Variants in DLGAP2 observed in about 807,000 individuals in gnomAD.
DLGAP2 encodes the protein disks large-associated protein 2.
A neutral mutation model predicts 100.3 loss-of-function variants in DLGAP2; 26 were observed. That is an observed-to-expected ratio of 0.26 (90% CI 0.19 to 0.36). The LOEUF (loss-of-function observed/expected upper bound fraction) is 0.36. DLGAP2 is among the 10% of genes least tolerant of loss of function. The pLI is 1.00. For missense variants in DLGAP2, 1,858 were observed against 1,453.2 expected (o/e 1.28, Z -4.53); for synonymous variants, 886 against 630.1 (o/e 1.41, Z -6.08).
intron 3 of DLGAP2, among the ~76,000 whole-genome samples, chr8:1,342,540 T>A (rs1801440693): frequency 6.6e-6 from 1 of 152,120 alleles, no homozygotes; most frequent in Admixed American, 6.5e-5. Context: ...CTCAGTCGCA[T>A]CTGCTGTACA....
intron 3 of DLGAP2, among the ~76,000 whole-genome samples, chr8:1,343,944 G>A (rs1801480439): frequency 6.6e-6 from 1 of 152,342 alleles, no homozygotes; most frequent in East Asian, 1.9e-4. Context: ...TTCCCTCCTG[G>A]CCGAGGGCAG....
chr8:1,048,892 G>A (rs1802592633), intron 2 of DLGAP2, among the ~76,000 whole-genome samples: 1 of 152,112 alleles, frequency 6.6e-6, no homozygotes, highest in African/African-American at 2.4e-5. Context: ...ATGACTAAGT[G>A]ATTTCACAAC....
chr8:1,564,142 G>A (rs1249723819), intron 5 of DLGAP2, among the ~76,000 whole-genome samples: 1 of 152,136 alleles, frequency 6.6e-6, no homozygotes, highest in Non-Finnish European at 1.5e-5. Context: ...GTGTTCTTTT[G>A]CCTTTGTAAA....
chr8:1,335,082 A>G (rs779974860), intron 3 of DLGAP2, among the ~76,000 whole-genome samples: 90 of 152,206 alleles, frequency 5.9e-4, no homozygotes, highest in Admixed American at 9.2e-4. Flanking sequence ...TCTAGGAACC[A>G]TGGTCTGACG....
intron 1 of DLGAP2, among the ~76,000 whole-genome samples, chr8:861,409 C>T (rs1356226746): frequency 6.6e-6 from 1 of 152,062 alleles, no homozygotes; most frequent in Non-Finnish European, 1.5e-5. Context: ...TCCTCATGCT[C>T]GCAGTAGAAG....
At position 1,707,439 on chromosome 8, in the gene DLGAP2, C is replaced by A. The variant is rs920793520; in HGVS notation, c.*6033C>A. 1 of 152,226 alleles carries A rather than the reference C, an allele frequency of 6.6e-6. No homozygotes were observed. The highest frequency in any genetic ancestry group is 2.4e-5 in the African/African-American group (1 of 41,432). 9.4% of individuals were successfully genotyped at this position (152,226 alleles called of 1,614,324 possible). ...CCCAAAACACTACCATGCCCCAGCC[C>A]CACTCATTTAAATAATACAATCATA... On this transcript the variant is annotated 3_prime_UTR_variant, in exon 15 of 15. Coordinates refer to ENST00000637795, the MANE Select transcript of DLGAP2 (RefSeq NM_001346810.2).
In DLGAP2 at chr8:1,386,240, AAATTCTAGAAAAATCACC is replaced by A. The variant is rs532678371; in HGVS notation, c.107-115106_107-115089del. Among the ~76,000 whole-genome samples, 37 of 152,326 alleles carry A rather than the reference AAATTCTAGAAAAATCACC, an allele frequency of 2.4e-4. No homozygotes were observed. The South Asian group carries it at 5.6e-3, about 23-fold the overall frequency. ...AGTGGGGAAATGATCCAGGAAAAGG[AAATTCTAGAAAAATCACC>A]AATTCTAGAAAAATCACCAGACCCA... On this transcript the variant is annotated intron_variant, in intron 3 of 14. Coordinates refer to ENST00000637795, the MANE Select transcript of DLGAP2 (RefSeq NM_001346810.2).
At chr8:782,495 A>G (rs1821720909) in intron 1 of DLGAP2, among the ~76,000 whole-genome samples, 2 of 152,214 alleles carry the variant, frequency 1.3e-5, no homozygotes, top group Non-Finnish European at 2.9e-5. Flanking sequence ...AAGTTTAGCC[A>G]TCCTCAATTA....
At chr8:905,268 T>C (rs1798354738) in intron 1 of DLGAP2, among the ~76,000 whole-genome samples, 1 of 152,084 alleles carries the variant, frequency 6.6e-6, no homozygotes, top group Admixed American at 6.6e-5. Flanking sequence ...AGTGAGTGGC[T>C]CTGCTGGTCA....
intron 8 of DLGAP2, among the ~76,000 whole-genome samples, chr8:1,639,455 G>T (rs1191186497): frequency 6.6e-6 from 1 of 152,110 alleles, no homozygotes; most frequent in Non-Finnish European, 1.5e-5. Flanking sequence ...AGCAGCAGGG[G>T]TCCTGTGCCA....
chr8:1,073,239 C>T (rs1168106683), intron 2 of DLGAP2, among the ~76,000 whole-genome samples: 1 of 152,168 alleles, frequency 6.6e-6, no homozygotes, highest in Non-Finnish European at 1.5e-5. Flanking sequence ...TGGAACATAT[C>T]AATTTATATA....
At chr8:1,472,667 A>T (rs1270480083) in intron 3 of DLGAP2, among the ~76,000 whole-genome samples, 1 of 152,150 alleles carries the variant, frequency 6.6e-6, no homozygotes. Flanking sequence ...TTTTCTACAG[A>T]TGAGGCAAGG....
chr8:1,179,338 C>T (rs1797330753), intron 2 of DLGAP2, among the ~76,000 whole-genome samples: 1 of 152,258 alleles, frequency 6.6e-6, no homozygotes, highest in African/African-American at 2.4e-5. Flanking sequence ...GGTGGCCAGG[C>T]ACCAGCTGAG....
chr8:1,490,503 G>C (rs1799348195), intron 3 of DLGAP2, among the ~76,000 whole-genome samples: 1 of 152,254 alleles, frequency 6.6e-6, no homozygotes, highest in Non-Finnish European at 1.5e-5. Flanking sequence ...GACACTGAGA[G>C]AGGGTGATGG....
chr8:1,553,440 C>G (rs979473694), intron 5 of DLGAP2, among the ~76,000 whole-genome samples: 5 of 152,128 alleles, frequency 3.3e-5, no homozygotes, highest in South Asian at 2.1e-4. Context: ...GGCAGCAGCC[C>G]TGTTTTATTC....
At chr8:1,508,580 C>G (rs1800035265) in intron 4 of DLGAP2, among the ~76,000 whole-genome samples, 1 of 135,682 alleles carries the variant, frequency 7.4e-6, no homozygotes, top group Non-Finnish European at 1.6e-5. Flanking sequence ...GACATCCATT[C>G]AAACAGCAAT....
intron 1 of DLGAP2, among the ~76,000 whole-genome samples, chr8:848,227 A>G (rs1797106277): frequency 6.6e-6 from 1 of 152,232 alleles, no homozygotes; most frequent in African/African-American, 2.4e-5. Context: ...ATGAATCAAT[A>G]GTTGATTTTT....
chr8:1,683,912 GTATA>G (rs1222044835), intron 12 of DLGAP2, among the ~76,000 whole-genome samples: 4 of 107,010 alleles, frequency 3.7e-5, no homozygotes, highest in Non-Finnish European at 5.6e-5. Context: ...ACATATATGT[GTATA>G]TATATATGTG....
chr8:1,468,894 A>G (rs897364082), intron 3 of DLGAP2, among the ~76,000 whole-genome samples: 4 of 152,084 alleles, frequency 2.6e-5, no homozygotes, highest in African/African-American at 4.8e-5. Context: ...TCCCGTGTCC[A>G]TCCTGCTGTG....
Sources: gnomAD v4.1 joint callset for allele counts (sites outside exome capture counted in the v4.1 genomes callset) on GRCh38, gnomAD v4.1.1 for gene constraint, MANE v1.5 for transcripts, NCBI Gene and HGNC (gene_info 2026-07-23, HGNC 2026-07-21) for gene names.